The following EHMT1 variants were observed in gnomAD, a reference collection of about 807,000 sequenced individuals.
The protein encoded by EHMT1 is euchromatic histone lysine methyltransferase 1.
In EHMT1, 15 loss-of-function variants were observed where a neutral mutation model predicts 147.2. The ratio of observed to expected loss-of-function variants is 0.10; its 90% CI spans 0.07 to 0.16. The LOEUF (loss-of-function observed/expected upper bound fraction) is 0.16, where lower values mean the gene tolerates loss of function less well. Ranked by LOEUF, EHMT1 falls within the 10% of genes least tolerant of loss-of-function variation. The pLI, the probability that EHMT1 is intolerant of heterozygous loss-of-function variation, is 1.00. For synonymous variants in EHMT1, 795 were observed against 709.6 expected, an observed-to-expected ratio of 1.12 and a Z score of -1.91; for missense variants, 1,587 against 1,772.4, an observed-to-expected ratio of 0.90 and a Z score of 1.88.
At chr9:137,687,849 G>A (rs1300687785) in intron 1 of EHMT1, among the ~76,000 whole-genome samples, 2 of 152,208 alleles carry the variant, frequency 1.3e-5, no homozygotes, top group Admixed American at 1.3e-4. Flanking sequence ...AGCCTGAAAG[G>A]ATAAAGTCAG....
intron 16 of EHMT1, among the ~76,000 whole-genome samples, chr9:137,793,488 CT>C (rs1952677213): frequency 6.6e-6 from 1 of 152,248 alleles, no homozygotes; most frequent in Admixed American, 6.5e-5. Context: ...CTGGTGGTTC[CT>C]CAGATCGCTA....
intron 16 of EHMT1, among the ~76,000 whole-genome samples, chr9:137,794,613 CTT>C (rs998242326): frequency 1.3e-4 from 19 of 148,684 alleles, no homozygotes; most frequent in Non-Finnish European, 1.9e-4. Flanking sequence ...CACCACTGCA[CTT>C]TAGCCCGGGC....
chr9:137,795,418 C>CACACACACACACACAT (rs1158450165), intron 16 of EHMT1, among the ~76,000 whole-genome samples: 2 of 17,084 alleles, frequency 1.2e-4, no homozygotes, highest in East Asian at 0.2. Context: ...CACACACACA[C>CACACACACACACACAT]ACACACACAC....
At chr9:137,643,002 C>G (rs1844604855) in intron 1 of EHMT1, among the ~76,000 whole-genome samples, 1 of 151,886 alleles carries the variant, frequency 6.6e-6, no homozygotes, top group African/African-American at 2.4e-5. Flanking sequence ...GCCTCAGCCT[C>G]CCGAGTAGTT....
At chr9:137,704,971 C>A (rs1159697062) in intron 1 of EHMT1, among the ~76,000 whole-genome samples, 3 of 149,808 alleles carry the variant, frequency 2.0e-5, no homozygotes, top group African/African-American at 7.4e-5. Context: ...CCCTCCCTCC[C>A]TCTCTCTCTT....
chr9:137,794,724 C>T (rs1370869875), intron 16 of EHMT1, among the ~76,000 whole-genome samples: 1 of 151,284 alleles, frequency 6.6e-6, no homozygotes, highest in Non-Finnish European at 1.5e-5. Context: ...ATATTACTGA[C>T]TTCTCATTTG....
intron 6 of EHMT1, 56 bp downstream of exon 6, chr9:137,744,146 G>T (rs1188540241): frequency 1.9e-6 from 3 of 1,602,142 alleles, no homozygotes; most frequent in African/African-American, 1.3e-5. Context: ...AAAGTTGGCC[G>T]TGGTTCTGAA....
chr9:137,646,951 T>C (rs1400127977), intron 1 of EHMT1, among the ~76,000 whole-genome samples: 1 of 152,122 alleles, frequency 6.6e-6, no homozygotes, highest in East Asian at 1.9e-4. Context: ...CCCTTTTGGT[T>C]ATGGTCACCA....
intron 7 of EHMT1, among the ~76,000 whole-genome samples, chr9:137,753,310 C>T (rs973913158): frequency 2.4e-4 from 36 of 152,058 alleles, no homozygotes; most frequent in Admixed American, 1.5e-3. Context: ...CCGTGGTGTT[C>T]GGCGATGAAG....
intron 7 of EHMT1, among the ~76,000 whole-genome samples, chr9:137,753,018 T>A (rs981562189): frequency 6.6e-6 from 1 of 152,066 alleles, no homozygotes; most frequent in Non-Finnish European, 1.5e-5. Context: ...TGCACCCTGG[T>A]CTGCGGGAAT....
At chr9:137,759,807 C>T (rs1949665734) in intron 9 of EHMT1, among the ~76,000 whole-genome samples, 2 of 152,262 alleles carry the variant, frequency 1.3e-5, no homozygotes, top group East Asian at 1.9e-4. Context: ...GGTCAAGTGG[C>T]GCTGGATGGC....
intron 4 of EHMT1, chr9:137,738,488 C>G (rs1334368373): frequency 1.3e-5 from 2 of 152,170 alleles, no homozygotes; most frequent in Admixed American, 6.5e-5. Context: ...CTGTGAAAAA[C>G]TCAAAAAACT....
At chr9:137,833,353 A>G (rs1000029366) in intron 25 of EHMT1, among the ~76,000 whole-genome samples, 4 of 152,174 alleles carry the variant, frequency 2.6e-5, no homozygotes, top group African/African-American at 9.6e-5. Flanking sequence ...GCAGCTCGCC[A>G]TGGCGGCCAC....
rs894737455 is a variant in EHMT1, at chr9:137,818,042, G to C, written c.3462-18G>C. On this transcript the variant is annotated intron_variant, in intron 24 of 26. Transcript: ENST00000460843. ...CTCGCTGCCTTCCAGGGCCTCACCT[G>C]CACCGCACCCTCTGCAGGTATGTTG... is the stretch of plus-strand genomic sequence containing the variant. 6.2e-7 allele frequency: 1 copy of C among 1,613,982 alleles called. No homozygotes were observed. The highest frequency in any genetic ancestry group is 1.3e-5 in the African/African-American group (1 of 75,036).
intron 23 of EHMT1, 195 bp from the exon 24 acceptor site, chr9:137,817,244 G>T (rs1588874657): frequency 1.5e-6 from 1 of 664,730 alleles, no homozygotes; most frequent in East Asian, 2.8e-5. Context: ...GGTGCTCCTG[G>T]CTGATCCCCG....
At chr9:137,627,253 T>C (rs915219482) in intron 1 of EHMT1, among the ~76,000 whole-genome samples, 2 of 148,130 alleles carry the variant, frequency 1.4e-5, no homozygotes, top group African/African-American at 5.0e-5. Flanking sequence ...CCACCATGCC[T>C]GGCCATTTTT....
intron 1 of EHMT1, among the ~76,000 whole-genome samples, chr9:137,649,067 G>T (rs1462191699): frequency 1.3e-5 from 2 of 152,200 alleles, no homozygotes; most frequent in Admixed American, 1.3e-4. Context: ...AGTGGGTTGA[G>T]TAGTGTCTTC....
intron 1 of EHMT1, among the ~76,000 whole-genome samples, chr9:137,688,112 C>G (rs968686561): frequency 1.3e-5 from 2 of 152,174 alleles, no homozygotes; most frequent in Admixed American, 1.3e-4. Context: ...CAACCTCTGC[C>G]TCCTGGGTTC....
At chr9:137,645,637 T>C (rs1241570970) in intron 1 of EHMT1, among the ~76,000 whole-genome samples, 1 of 152,224 alleles carries the variant, frequency 6.6e-6, no homozygotes, top group African/African-American at 2.4e-5. Flanking sequence ...TTTCCATCTC[T>C]GCTGCAGACT....
Sources: allele counts gnomAD v4.1 joint callset (sites outside exome capture counted in the v4.1 genomes callset), GRCh38; gene constraint gnomAD v4.1.1; transcripts MANE v1.5; gene names NCBI Gene and HGNC (gene_info 2026-07-23, HGNC 2026-07-21).